Variants in FOXP2 observed in about 807,000 individuals in gnomAD.
The protein encoded by FOXP2 is forkhead box P2, also known as forkhead box protein P2.
A neutral mutation model predicts 115.8 loss-of-function variants in FOXP2; 12 were observed. The ratio of observed to expected loss-of-function variants is 0.10; its 90% CI spans 0.07 to 0.17. The LOEUF is 0.17. Among genes scored for constraint, FOXP2 ranks in the 10% least tolerant of loss-of-function variants. The pLI, the probability that FOXP2 is intolerant of heterozygous loss-of-function variation, is 1.00. For synonymous variants in FOXP2, 328 were observed against 297.7 expected (o/e 1.10, Z -1.05); for missense variants, 629 against 843.5 (o/e 0.75, Z 3.15).
intron 1 of FOXP2, among the ~76,000 whole-genome samples, chr7:114,170,301 CCTGTCT>C (rs1337088926): frequency 6.6e-6 from 1 of 152,162 alleles, no homozygotes; most frequent in Non-Finnish European, 1.5e-5. Context: ...TGGTCCTTCC[CCTGTCT>C]CTCTCCTTCT....
At chr7:114,589,385 T>A (rs1802330026) in intron 3 of FOXP2, among the ~76,000 whole-genome samples, 1 of 152,144 alleles carries the variant, frequency 6.6e-6, no homozygotes, top group Admixed American at 6.6e-5. Context: ...AAAGGGGATG[T>A]GTTGGTAGAC....
At chr7:114,097,383 G>A (rs1387077675) in intron 1 of FOXP2, among the ~76,000 whole-genome samples, 1 of 152,156 alleles carries the variant, frequency 6.6e-6, no homozygotes, top group African/African-American at 2.4e-5. Flanking sequence ...GAGTCATAAG[G>A]TAGGTAGCTT....
chr7:114,508,006 C>G (rs1486628074), intron 2 of FOXP2, among the ~76,000 whole-genome samples: 2 of 151,838 alleles, frequency 1.3e-5, no homozygotes, highest in African/African-American at 2.4e-5. Flanking sequence ...TAAGTGCTTG[C>G]TATATGTCAG....
chr7:114,266,222 C>T (rs1027222338), intron 1 of FOXP2, among the ~76,000 whole-genome samples: 4 of 152,158 alleles, frequency 2.6e-5, no homozygotes, highest in African/African-American at 9.7e-5. Context: ...CAAACTCTTC[C>T]AACCTCTTCC....
intron 2 of FOXP2, among the ~76,000 whole-genome samples, chr7:114,292,941 G>A (rs1167003509): frequency 2.6e-5 from 4 of 152,118 alleles, no homozygotes; most frequent in Non-Finnish European, 4.4e-5. Context: ...TTATTCATTC[G>A]TATATTGGCT....
chr7:114,120,853 G>GCATA (rs1791544832), intron 1 of FOXP2, among the ~76,000 whole-genome samples: 1 of 151,980 alleles, frequency 6.6e-6, no homozygotes, highest in South Asian at 2.1e-4. Context: ...GCTGGTAAGG[G>GCATA]CATAGCAAGA....
intron 1 of FOXP2, among the ~76,000 whole-genome samples, chr7:114,104,588 T>G (rs1246992185): frequency 6.6e-6 from 1 of 152,086 alleles, no homozygotes; most frequent in Non-Finnish European, 1.5e-5. Flanking sequence ...GCTCTATTGT[T>G]ATTTCTCTTT....
At chr7:114,297,162 GCTC>G in intron 2 of FOXP2, 1 of 491,008 alleles carries the variant, frequency 2.0e-6, no homozygotes, top group South Asian at 1.7e-5. Context: ...ACGTTTCTCA[GCTC>G]CTCCTGCTTC....
chr7:114,352,203 A>T (rs1024943213), intron 2 of FOXP2, among the ~76,000 whole-genome samples: 7 of 152,008 alleles, frequency 4.6e-5, no homozygotes, highest in African/African-American at 1.4e-4. Context: ...GGAGGTCAAG[A>T]CTACAATGAG....
chr7:114,352,105 C>CA (rs145592793), intron 2 of FOXP2, among the ~76,000 whole-genome samples: 4,708 of 137,264 alleles, frequency 0.034, 93 homozygotes, highest in African/African-American at 0.044. Flanking sequence ...CCATCTCTAA[C>CA]AAAAAAAAAA....
chr7:114,275,613 G>A (rs191813744), intron 1 of FOXP2, among the ~76,000 whole-genome samples: 8 of 152,212 alleles, frequency 5.3e-5, no homozygotes, highest in Admixed American at 1.3e-4. Context: ...CCATTAGAGC[G>A]CTTAGCACAT....
In FOXP2 at chr7:114,638,570, G is replaced by C. The variant is rs191557133; in HGVS notation, c.776-3840G>C. On this transcript the variant is annotated intron_variant, in intron 6 of 16. Transcript: ENST00000350908. The stretch of plus-strand genomic sequence containing the variant: ...TAAGTAGTTTTGTAAGCATATAAAA[G>C]AGCTGAGCAATTTTTAGGTTGAAAG... 1.8e-4 allele frequency among the ~76,000 whole-genome samples: 28 copies of C among 152,234 alleles called. No homozygotes were observed. The East Asian group carries it at 5.0e-3, about 27-fold the overall frequency.
chr7:114,385,507 C>T (rs188901922), intron 2 of FOXP2, among the ~76,000 whole-genome samples: 4 of 152,232 alleles, frequency 2.6e-5, no homozygotes, highest in Admixed American at 6.5e-5. Context: ...TGCCTCTAGT[C>T]GGCCCTCGGC....
chr7:114,329,250 G>A (rs757136491), intron 2 of FOXP2, among the ~76,000 whole-genome samples: 1 of 152,126 alleles, frequency 6.6e-6, no homozygotes, highest in Non-Finnish European at 1.5e-5. Context: ...AGGCATGGTG[G>A]TTCACGCCTG....
intron 2 of FOXP2, among the ~76,000 whole-genome samples, chr7:114,372,653 C>T (rs537832251): frequency 6.6e-6 from 1 of 152,072 alleles, no homozygotes; most frequent in Admixed American, 6.5e-5. Flanking sequence ...ACTGATGAGC[C>T]AGGGATTTAC....
At chr7:114,345,045 A>G (rs1238723722) in intron 2 of FOXP2, among the ~76,000 whole-genome samples, 1 of 151,810 alleles carries the variant, frequency 6.6e-6, no homozygotes. Context: ...CTTTAGAGTG[A>G]GGACGATTTG....
chr7:114,322,847 G>A (rs545056014), intron 2 of FOXP2, among the ~76,000 whole-genome samples: 96 of 152,126 alleles, frequency 6.3e-4, no homozygotes, highest in Non-Finnish European at 1.3e-3. Flanking sequence ...GTATTTTGTT[G>A]GTTGATATTT....
chr7:114,489,589 T>A (rs1248003296), intron 2 of FOXP2, among the ~76,000 whole-genome samples: 5 of 151,826 alleles, frequency 3.3e-5, no homozygotes, highest in African/African-American at 1.2e-4. Flanking sequence ...AGCCACTAGA[T>A]TGTATTGGGA....
At chr7:114,521,863 C>T (rs1206442192) in intron 2 of FOXP2, among the ~76,000 whole-genome samples, 1 of 152,138 alleles carries the variant, frequency 6.6e-6, no homozygotes, top group African/African-American at 2.4e-5. Context: ...GTGTGCAAGG[C>T]AGTGTCATGG....
Sources: gnomAD v4.1 joint callset for allele counts (sites outside exome capture counted in the v4.1 genomes callset) on GRCh38, gnomAD v4.1.1 for gene constraint, MANE v1.5 for transcripts, NCBI Gene and HGNC (gene_info 2026-07-23, HGNC 2026-07-21) for gene names.